The following PCDHGA7 variants were observed in gnomAD, a reference collection of about 807,000 sequenced individuals.
PCDHGA7 encodes protocadherin gamma-A7.
Under a neutral mutation model 58.3 loss-of-function variants are expected in PCDHGA7, and 44 were observed. The observed-to-expected ratio is 0.75, with a 90% CI of 0.59 to 0.97. PCDHGA7 has a LOEUF of 0.97. Ranked by LOEUF, PCDHGA7 falls within the 50% of genes least tolerant of loss-of-function variation. The probability of loss-of-function intolerance (pLI) is 0.00; values close to 1 mark genes in which losing one functional copy is unlikely to be tolerated. For synonymous variants in PCDHGA7, 516 were observed against 504.2 expected (o/e 1.02, Z -0.31); for missense variants, 1,266 against 1,188.7 (o/e 1.06, Z -0.96).
At chr5:141,507,132 C>T (rs748716107) in intron 3 of PCDHGA7, 2 of 152,188 alleles carry the variant, frequency 1.3e-5, no homozygotes, top group African/African-American at 2.4e-5. Flanking sequence ...GATCCAGCCT[C>T]GGCTTCTCTA....
At chr5:141,393,857 C>A (rs753457502) in intron 1 of PCDHGA7, 3 of 1,613,860 alleles carry the variant, frequency 1.9e-6, no homozygotes, top group Non-Finnish European at 2.5e-6. Flanking sequence ...CAGAAGTGAT[C>A]ATTACGTCTT....
rs2097401329 is a variant in PCDHGA7 at position 141,431,623 on chromosome 5, G to A, written c.2424+46300G>A. 1 of 1,614,192 alleles carries A rather than the reference G, an allele frequency of 6.2e-7. No homozygotes were observed. The highest frequency in any genetic ancestry group is 1.7e-5 in the Admixed American group (1 of 60,028). On this transcript the variant is annotated intron_variant, in intron 1 of 3. Coordinates refer to ENST00000518325, the MANE Select transcript of PCDHGA7 (RefSeq NM_018920.4). This position sits in a 1 kb window ranked among gnomAD's most constrained non-coding sequence, Gnocchi z 4.8. ...CCTTCCGGTATGTGGACGACAAGGC[G>A]GCCCAAGTTTTCAAACTAGATTGTA...
At chr5:141,393,639 A>G in intron 1 of PCDHGA7, 1 of 1,613,964 alleles carries the variant, frequency 6.2e-7, no homozygotes, top group Non-Finnish European at 8.5e-7. Context: ...AATCAACGGA[A>G]AAGTGGCATA....
chr5:141,489,229 G>A lies in PCDHGA7; in HGVS notation c.2425-5578G>A, dbSNP rs1188849525. 5.9e-6 allele frequency: 9 copies of A among 1,522,134 alleles called. No homozygotes were observed. In the Admixed American group the frequency reaches 6.4e-5, roughly 11 times the overall value. 94.3% of individuals were successfully genotyped at this position (1,522,134 alleles called of 1,614,324 possible). On this transcript the variant is annotated intron_variant, in intron 1 of 3. Transcript: ENST00000518325. The surrounding 1 kb of genome is among the most constrained non-coding windows in gnomAD (Gnocchi z 4.5). The stretch of plus-strand genomic sequence containing the variant: ...AGCACAGACTTACTCTCCACAAAGG[G>A]ACTTCTGGGTCATGGGGCCCAAGAC...
chr5:141,383,054 T>G lies in PCDHGA7; in HGVS notation c.155T>G (p.Leu52Arg). 1.9e-6 allele frequency: 3 copies of G among 1,613,872 alleles called. No homozygotes were observed. Among genetic ancestry groups the G allele is most frequent in the Non-Finnish European group, 2.5e-6 (3 of 1,179,902 alleles). The change falls in exon 1 of 4, where the codon CTG becomes CGG. Residue 52 changes from leucine (L) to arginine (R), a missense_variant. Leu to Arg is a moderately radical substitution (Grantham distance 102). Coordinates refer to ENST00000518325, the MANE Select transcript of PCDHGA7 (RefSeq NM_018920.4). ...GSFVGDIAKD[L>R]GLEPRELAER... The stretch of plus-strand genomic sequence containing the variant: ...TTTGTGGGAGACATCGCCAAGGACC[T>G]GGGGCTGGAGCCCCGGGAGCTGGCG...
intron 1 of PCDHGA7, chr5:141,392,918 G>T (rs1177755274): frequency 1.2e-6 from 2 of 1,613,794 alleles, no homozygotes; most frequent in African/African-American, 2.7e-5. Flanking sequence ...GCTACTCTGT[G>T]CCAGAAGAGA....
chr5:141,389,789 C>A (rs1437335316), intron 1 of PCDHGA7: 4 of 1,613,328 alleles, frequency 2.5e-6, no homozygotes, highest in African/African-American at 2.7e-5. Flanking sequence ...ACAGGGACGC[C>A]GTCCGCCAGC....
intron 1 of PCDHGA7, chr5:141,418,002 G>A: frequency 1.9e-6 from 3 of 1,613,916 alleles, no homozygotes; most frequent in Non-Finnish European, 2.5e-6. Flanking sequence ...TCGGTGGTGG[G>A]GAACCTCGCT....
In PCDHGA7 at chr5:141,431,221, A is replaced by T; in HGVS notation, c.2424+45898A>T. 6.2e-7 allele frequency: 1 copy of T among 1,614,124 alleles called. No homozygotes were observed. The highest frequency in any genetic ancestry group is 8.5e-7 in the Non-Finnish European group (1 of 1,180,026). On this transcript the variant is annotated intron_variant, in intron 1 of 3. Transcript: ENST00000518325. The surrounding 1 kb of genome is among the most constrained non-coding windows in gnomAD (Gnocchi z 4.8). Reference sequence around the variant, plus strand: ...CAGCCACTGAGATGCGGTTCCCTCTACCCCACGCCTGGGATCCGGATATCG... The same window carrying T: ...CAGCCACTGAGATGCGGTTCCCTCTTCCCCACGCCTGGGATCCGGATATCG...
chr5:141,403,201 C>T (rs1486888915), intron 1 of PCDHGA7: 2 of 1,614,002 alleles, frequency 1.2e-6, no homozygotes, highest in South Asian at 1.1e-5. Context: ...GCAGCGGCAC[C>T]TTGGTCACCG....
intron 1 of PCDHGA7, chr5:141,478,023 A>G (rs2099428714): frequency 6.2e-7 from 1 of 1,614,112 alleles, no homozygotes; most frequent in South Asian, 1.1e-5. Flanking sequence ...CCAGTCCAAG[A>G]CACAGATTCA....
At chr5:141,464,228 G>A (rs1196103285) in intron 1 of PCDHGA7, among the ~76,000 whole-genome samples, 1 of 148,156 alleles carries the variant, frequency 6.7e-6, no homozygotes, top group African/African-American at 2.5e-5. Context: ...TTGCGCCACT[G>A]CACTCCAGCC....
intron 1 of PCDHGA7, among the ~76,000 whole-genome samples, chr5:141,443,376 T>C (rs1365277469): frequency 6.6e-6 from 1 of 151,990 alleles, no homozygotes; most frequent in Admixed American, 6.6e-5. Flanking sequence ...TCTCAGCTAC[T>C]TGGGAGGCTG....
rs994740663 is a variant in PCDHGA7, at chr5:141,477,022, G to T, written c.2425-17785G>T. ...TATTCGCCTTAGACCTTGTAACCGG[G>T]ATGCTGACAATCAAGGGTCGGCTGG... On this transcript the variant is annotated intron_variant, in intron 1 of 3. Transcript: ENST00000518325. The surrounding 1 kb of genome is among the most constrained non-coding windows in gnomAD (Gnocchi z 4.9). 6.2e-7 allele frequency: 1 copy of T among 1,614,240 alleles called. No homozygotes were observed. Among genetic ancestry groups the T allele is most frequent in the African/African-American group, 1.3e-5 (1 of 75,074 alleles).
intron 1 of PCDHGA7, chr5:141,399,180 G>T (rs1454578078): frequency 3.7e-6 from 6 of 1,613,798 alleles, no homozygotes; most frequent in Admixed American, 1.7e-5. Flanking sequence ...TACTTGAAAT[G>T]ATTCTGGAAA....
At position 141,394,009 on chromosome 5, in the gene PCDHGA7, G is replaced by C. The variant is rs1554094356; in HGVS notation, c.2424+8686G>C. The C allele has an allele frequency of 1.2e-6, 2 of 1,613,394 alleles. No homozygotes were observed. Among genetic ancestry groups the C allele is most frequent in the Admixed American group, 3.3e-5 (2 of 59,950 alleles). On this transcript the variant is annotated intron_variant, in intron 1 of 3. Coordinates refer to ENST00000518325, the MANE Select transcript of PCDHGA7 (RefSeq NM_018920.4). ...CCTTTTAAATTAGAAAAGTCAATAG[G>C]TAATTATTATAGATTAGTGACAAGG... is the stretch of plus-strand genomic sequence containing the variant.
chr5:141,487,127 A>T lies in PCDHGA7; in HGVS notation c.2425-7680A>T. ...GGTCATTGTGGTAAAGGATAGTGGT[A>T]GTCCACCACTCTCTACCTCTGTTAC... On this transcript the variant is annotated intron_variant, in intron 1 of 3. Coordinates refer to ENST00000518325, the MANE Select transcript of PCDHGA7 (RefSeq NM_018920.4). The surrounding 1 kb of genome is among the most constrained non-coding windows in gnomAD (Gnocchi z 5.0). 6.2e-7 allele frequency: 1 copy of T among 1,613,334 alleles called. No individual in the cohort carries two copies. Among genetic ancestry groups the T allele is most frequent in the Admixed American group, 1.7e-5 (1 of 60,026 alleles).
At chr5:141,415,573 G>A (rs375863243) in intron 1 of PCDHGA7, 68 of 1,613,906 alleles carry the variant, frequency 4.2e-5, no homozygotes, top group Non-Finnish European at 1.2e-5. Flanking sequence ...TTTGTTAGAT[G>A]ATTCGAAGTT....
At chr5:141,402,332 A>G (rs991402257) in intron 1 of PCDHGA7, among the ~76,000 whole-genome samples, 2 of 152,036 alleles carry the variant, frequency 1.3e-5, no homozygotes, top group African/African-American at 4.8e-5. Flanking sequence ...TTACAAATAT[A>G]TAGGTATAAA....
Sources: gnomAD v4.1 joint callset for allele counts (sites outside exome capture counted in the v4.1 genomes callset) on GRCh38, gnomAD v4.1.1 for gene constraint, Gnocchi (gnomAD v3.1) non-coding constraint, MANE v1.5 for transcripts, NCBI Gene and HGNC (gene_info 2026-07-23, HGNC 2026-07-21) for gene names.